The following STAT4 variants were observed in gnomAD, a reference collection of about 807,000 sequenced individuals.
The protein encoded by STAT4 is signal transducer and activator of transcription 4.
Under a neutral mutation model 110.5 loss-of-function variants are expected in STAT4, and 42 were observed. That is an observed-to-expected ratio of 0.38 (90% confidence interval 0.30 to 0.49). The LOEUF is 0.49. Ranked by LOEUF, STAT4 falls within the 20% of genes least tolerant of loss-of-function variation. The probability of loss-of-function intolerance (pLI) is 0.95; values close to 1 mark genes in which losing one functional copy is unlikely to be tolerated. For missense variants in STAT4, 632 were observed against 887.9 expected, an observed-to-expected ratio of 0.71 and a Z score of 3.66; for synonymous variants, 284 against 302.2, an observed-to-expected ratio of 0.94 and a Z score of 0.63.
chr2:191,036,399 A>C, intron 16 of STAT4, 100 bp from the exon 17 acceptor site: 1 of 1,217,984 alleles, frequency 8.2e-7, no homozygotes, highest in East Asian at 2.5e-5. Flanking sequence ...CCCCACACAC[A>C]TACTAGGAGT....
At chr2:191,137,361 C>T (rs1403511525) in intron 3 of STAT4, among the ~76,000 whole-genome samples, 3 of 152,006 alleles carry the variant, frequency 2.0e-5, no homozygotes, top group African/African-American at 4.8e-5. Context: ...GAAGAGGACA[C>T]AAACAAATGG....
At chr2:191,131,840 T>C (rs1360069240) in intron 3 of STAT4, 2 of 1,448,840 alleles carry the variant, frequency 1.4e-6, no homozygotes, top group African/African-American at 3.0e-5. Flanking sequence ...GATTTGGACC[T>C]TTGAATGCAG....
rs1384634159 is a variant in STAT4 at position 191,043,605 on chromosome 2, T to C, written c.1252-2457A>G. 2.6e-5 allele frequency among the ~76,000 whole-genome samples: 4 copies of C among 152,062 alleles called. No individual in the cohort carries two copies. Among genetic ancestry groups the C allele is most frequent in the Non-Finnish European group, 4.4e-5 (3 of 68,004 alleles). On this transcript the variant is annotated intron_variant, in intron 14 of 23. Transcript: ENST00000392320. This position sits in a 1 kb window ranked among gnomAD's most constrained non-coding sequence, Gnocchi z 4.8. ...CTACCAAATATATATAGGTCAAAGA[T>C]TTTTTGCACTCATTAAAAAAAAAAG...
intron 17 of STAT4, 76 bp from the exon 18 acceptor site, chr2:191,034,673 T>C (rs1298721264): frequency 9.1e-7 from 1 of 1,098,800 alleles, no homozygotes; most frequent in Non-Finnish European, 1.4e-6. Flanking sequence ...TTAGATATTT[T>C]GCCTCTTCCC....
chr2:191,112,744 G>A lies in STAT4; in HGVS notation c.273+33869C>T, dbSNP rs1310729862. Among the ~76,000 whole-genome samples the A allele has an allele frequency of 1.3e-5, 2 of 152,216 alleles. No individual in the cohort carries two copies. The highest frequency in any genetic ancestry group is 2.9e-5 in the Non-Finnish European group (2 of 68,034). ...AGCCTAGGGAGGGGAAGGTCGCCCA[G>A]TTACAAATGGTAGATGTGGAAGCAG... On this transcript the variant is annotated intron_variant, in intron 3 of 23. Transcript: ENST00000392320. This position sits in a 1 kb window ranked among gnomAD's most constrained non-coding sequence, Gnocchi z 4.3.
At chr2:191,073,264 A>T (rs1697217187) in intron 4 of STAT4, 74 bp from the exon 5 acceptor site, 2 of 1,234,456 alleles carry the variant, frequency 1.6e-6, no homozygotes, top group South Asian at 2.5e-5. Context: ...ACCGCATACA[A>T]TTCGACCTGA....
intron 3 of STAT4, among the ~76,000 whole-genome samples, chr2:191,134,589 G>T (rs181316278): frequency 1.7e-3 from 252 of 151,934 alleles, no homozygotes; most frequent in African/African-American, 5.7e-3. Context: ...CACTGATGTT[G>T]TTTATAGCCA....
chr2:191,144,798 C>T lies in STAT4; in HGVS notation c.273+1815G>A, dbSNP rs773782579. Among the ~76,000 whole-genome samples the T allele has an allele frequency of 6.6e-6, 1 of 152,110 alleles. No homozygotes were observed. The highest frequency in any genetic ancestry group is 1.5e-5 in the Non-Finnish European group (1 of 68,026). ...AACAATAAGAATCATTTATTGAATGCCTACATCTTGCCAGAAGAAAAGCTC... is the reference window on the plus strand; with the variant it reads ...AACAATAAGAATCATTTATTGAATGTCTACATCTTGCCAGAAGAAAAGCTC... On this transcript the variant is annotated intron_variant, in intron 3 of 23. Coordinates refer to ENST00000392320, the MANE Select transcript of STAT4 (RefSeq NM_003151.4). This position sits in a 1 kb window ranked among gnomAD's most constrained non-coding sequence, Gnocchi z 4.7.
At position 191,143,803 on chromosome 2, in the gene STAT4, CTTTTTTGTGGGGAAGAGAGGATCTTA is replaced by C. The variant is rs1012738332; in HGVS notation, c.273+2784_273+2809del. On this transcript the variant is annotated intron_variant, in intron 3 of 23. Transcript: ENST00000392320. This position sits in a 1 kb window ranked among gnomAD's most constrained non-coding sequence, Gnocchi z 5.6. ...CCTTTTGATAGGGAATTTTTTTTTT[CTTTTTTGTGGGGAAGAGAGGATCTTA>C]TTTTTTAAAAAAGACTCATCATACC... is the stretch of plus-strand genomic sequence containing the variant. Among the ~76,000 whole-genome samples, 2 of 145,094 alleles carry C rather than the reference CTTTTTTGTGGGGAAGAGAGGATCTTA, an allele frequency of 1.4e-5. No individual in the cohort carries two copies. Among genetic ancestry groups the C allele is most frequent in the Non-Finnish European group, 3.0e-5 (2 of 66,160 alleles).
rs1168743929 is a variant in STAT4, at chr2:191,142,376, A to G, written c.273+4237T>C. Among the ~76,000 whole-genome samples, 1 of 152,140 alleles carries G rather than the reference A, an allele frequency of 6.6e-6. No individual in the cohort carries two copies. On this transcript the variant is annotated intron_variant, in intron 3 of 23. Coordinates refer to ENST00000392320, the MANE Select transcript of STAT4 (RefSeq NM_003151.4). The surrounding 1 kb of genome is among the most constrained non-coding windows in gnomAD (Gnocchi z 4.1). Reference sequence around the variant, plus strand: ...CCAGGCACAGAAAGACAAATATCGCATGTTCTCACTCATATGTGGGAGCTA... The same window carrying G: ...CCAGGCACAGAAAGACAAATATCGCGTGTTCTCACTCATATGTGGGAGCTA...
In STAT4 at chr2:191,033,277, C is replaced by G; in HGVS notation, c.1853-128G>C. The G allele has an allele frequency of 8.6e-7, 1 of 1,164,808 alleles. No homozygotes were observed. Among genetic ancestry groups the G allele is most frequent in the Admixed American group, 2.7e-5 (1 of 36,956 alleles). The allele number at this position is 1,164,808 out of a possible 1,614,324, so 72.2% of individuals were successfully genotyped here. On this transcript the variant is annotated intron_variant, in intron 20 of 23. Transcript: ENST00000392320. The surrounding 1 kb of genome is among the most constrained non-coding windows in gnomAD (Gnocchi z 6.9). Reference sequence around the variant, plus strand: ...CAGTTCATGTCACTTCAATGTCAGACCTTCTGCTGTCTGGACAGTATAGAT... The same window carrying G: ...CAGTTCATGTCACTTCAATGTCAGAGCTTCTGCTGTCTGGACAGTATAGAT...
In STAT4 at chr2:191,073,215, T is replaced by G. The variant is rs146982782; in HGVS notation, c.373-25A>C. The G allele has an allele frequency of 9.9e-4, 1,592 of 1,605,294 alleles. 18 individuals carry two copies. The African/African-American group carries it at 0.019, about 19-fold the overall frequency. ...CCTGGAAAAAGAATGTCTTGAAATC[T>G]CTCTGGTTTTGAAAAGGTTTATGAT... On this transcript the variant is annotated intron_variant, in intron 4 of 23. Transcript: ENST00000392320.
In STAT4 at chr2:191,033,054, C is replaced by T; in HGVS notation, c.1948G>A (p.Ala650Thr). The T allele has an allele frequency of 6.2e-7, 1 of 1,614,158 alleles. No individual in the cohort carries two copies. Among genetic ancestry groups the T allele is most frequent in the Non-Finnish European group, 8.5e-7 (1 of 1,180,020 alleles). The change falls in exon 21 of 24, where the codon GCT (alanine) becomes ACT (threonine). Residue 650 changes from alanine (A) to threonine (T), a missense_variant. By Grantham distance (58) the Ala-to-Thr change is moderately conservative. Transcript: ENST00000392320. This position sits in a 1 kb window ranked among gnomAD's most constrained non-coding sequence, Gnocchi z 6.9. ...AGAGGGTTTTCAGGAATGTTTTCAG[C>T]CATAATAACTTTGTAGTCTCGCAGG... ...DILRDYKVIM[A>T]ENIPENPLKY...
chr2:191,129,567 T>C (rs1698975088), intron 3 of STAT4, among the ~76,000 whole-genome samples: 1 of 152,148 alleles, frequency 6.6e-6, no homozygotes, highest in South Asian at 2.1e-4. Flanking sequence ...AAATCCATGG[T>C]AATAGAAAAA....
At position 191,142,953 on chromosome 2, in the gene STAT4, G is replaced by C. The variant is rs1189316060; in HGVS notation, c.273+3660C>G. Among the ~76,000 whole-genome samples the C allele has an allele frequency of 2.0e-5, 3 of 152,082 alleles. No homozygotes were observed. The highest frequency in any genetic ancestry group is 6.6e-5 in the Admixed American group (1 of 15,262). ...CATAAAATTATACAACACAAGGAGT[G>C]AATCTTAATGTAGTCTTGAAATGTA... On this transcript the variant is annotated intron_variant, in intron 3 of 23. Transcript: ENST00000392320. This position sits in a 1 kb window ranked among gnomAD's most constrained non-coding sequence, Gnocchi z 4.1.
intron 3 of STAT4, among the ~76,000 whole-genome samples, chr2:191,105,881 T>G (rs1031262797): frequency 1.3e-5 from 2 of 152,210 alleles, no homozygotes; most frequent in Non-Finnish European, 2.9e-5. Context: ...CGCCGATGGA[T>G]ATGAACAGAA....
At chr2:191,115,039 T>G (rs1698535779) in intron 3 of STAT4, among the ~76,000 whole-genome samples, 1 of 152,226 alleles carries the variant, frequency 6.6e-6, no homozygotes, top group African/African-American at 2.4e-5. Context: ...TTGATTTTTT[T>G]TACAACAAGT....
At chr2:191,055,751 T>C (rs1410340361) in intron 13 of STAT4, among the ~76,000 whole-genome samples, 1 of 152,246 alleles carries the variant, frequency 6.6e-6, no homozygotes, top group Non-Finnish European at 1.5e-5. Flanking sequence ...AAGACCACTG[T>C]AAAAACTGAG....
chr2:191,131,872 G>A, intron 3 of STAT4: 1 of 1,460,586 alleles, frequency 6.8e-7, no homozygotes, highest in Non-Finnish European at 9.0e-7. Flanking sequence ...TCGATCCAAG[G>A]GCAGCTGTGC....
Sources: allele counts gnomAD v4.1 joint callset (sites outside exome capture counted in the v4.1 genomes callset), GRCh38; gene constraint gnomAD v4.1.1; non-coding constraint Gnocchi (gnomAD v3.1); transcripts MANE v1.5; gene names NCBI Gene and HGNC (gene_info 2026-07-23, HGNC 2026-07-21).